Variants in CXCL13 observed in about 807,000 individuals in gnomAD.
The protein encoded by CXCL13 is C-X-C motif chemokine 13.
In CXCL13, 7 loss-of-function variants were observed where a neutral mutation model predicts 12.2. The observed-to-expected ratio is 0.57, with a 90% CI of 0.33 to 1.07. CXCL13 has a LOEUF of 1.07. CXCL13 is among the 50% of genes least tolerant of loss of function. The probability of loss-of-function intolerance (pLI) is 0.04; values close to 1 mark genes in which losing one functional copy is unlikely to be tolerated. For missense variants in CXCL13, 113 were observed against 127.4 expected, an observed-to-expected ratio of 0.89 and a Z score of 0.55; for synonymous variants, 47 against 42.4, an observed-to-expected ratio of 1.11 and a Z score of -0.42.
intron 1 of CXCL13, among the ~76,000 whole-genome samples, chr4:77,528,226 C>T (rs1724815502): frequency 6.6e-6 from 1 of 152,126 alleles, no homozygotes; most frequent in African/African-American, 2.4e-5. Flanking sequence ...GTGAATAGTG[C>T]CGCAATAAAC....
chr4:77,524,800 A>C lies in CXCL13; in HGVS notation c.-43+13012A>C, dbSNP rs186503346. Among the ~76,000 whole-genome samples, 96 of 152,324 alleles carry C rather than the reference A, an allele frequency of 6.3e-4. 1 individual carries two copies. The highest frequency in any genetic ancestry group is 2.2e-3 in the African/African-American group (93 of 41,584). On this transcript the variant is annotated intron_variant, in intron 1 of 4. Transcript: ENST00000286758. ...AATGCAGAAGTCCCCTGTCTTCTGCATTGATAGTGCTGGGAGCTGCAGACT... is the reference window on the plus strand; with the variant it reads ...AATGCAGAAGTCCCCTGTCTTCTGCCTTGATAGTGCTGGGAGCTGCAGACT...
intron 1 of CXCL13, among the ~76,000 whole-genome samples, chr4:77,551,066 T>C (rs1328721343): frequency 2.6e-5 from 4 of 152,242 alleles, no homozygotes; most frequent in Admixed American, 2.6e-4. Context: ...TTGGGTCCTG[T>C]ATTTTTATTC....
intron 1 of CXCL13, among the ~76,000 whole-genome samples, chr4:77,547,536 C>T (rs192273044): frequency 1.3e-5 from 2 of 152,204 alleles, no homozygotes; most frequent in East Asian, 1.9e-4. Flanking sequence ...TCTGTTTTAT[C>T]AGAGACTAGG....
intron 1 of CXCL13, among the ~76,000 whole-genome samples, chr4:77,512,077 C>T (rs568401624): frequency 2.4e-4 from 36 of 152,274 alleles, no homozygotes; most frequent in Non-Finnish European, 1.3e-4. Context: ...CCGTTCAGAA[C>T]ATTTTTCTTT....
intron 1 of CXCL13, among the ~76,000 whole-genome samples, chr4:77,518,668 A>T (rs373073865): frequency 6.6e-6 from 1 of 151,890 alleles, no homozygotes; most frequent in Non-Finnish European, 1.5e-5. Context: ...GCACTTCTCT[A>T]TATTGGTTAT....
chr4:77,566,546 A>G (rs776271179), intron 1 of CXCL13, among the ~76,000 whole-genome samples: 1 of 151,672 alleles, frequency 6.6e-6, no homozygotes, highest in African/African-American at 2.4e-5. Context: ...AAACTTTACC[A>G]TCAAACCTGT....
At chr4:77,515,506 T>A (rs186371559) in intron 1 of CXCL13, among the ~76,000 whole-genome samples, 93 of 152,366 alleles carry the variant, frequency 6.1e-4, no homozygotes, top group Non-Finnish European at 1.2e-3. Flanking sequence ...GTAGTTCTCC[T>A]TGAGGAGGTC....
At chr4:77,523,262 C>T (rs1724662066) in intron 1 of CXCL13, among the ~76,000 whole-genome samples, 1 of 152,160 alleles carries the variant, frequency 6.6e-6, no homozygotes, top group Non-Finnish European at 1.5e-5. Flanking sequence ...GCCTGCCTTG[C>T]TATGTTGGGG....
At chr4:77,539,039 C>A (rs1725137977) in intron 1 of CXCL13, among the ~76,000 whole-genome samples, 1 of 150,294 alleles carries the variant, frequency 6.7e-6, no homozygotes, top group South Asian at 2.1e-4. Context: ...AAGACTAGTG[C>A]ACAGTTTGAC....
rs575214415 is a variant in CXCL13 at position 77,576,703 on chromosome 4, T to C, written c.-42-29121T>C. Reference sequence around the variant, plus strand: ...GGATGGGCTCAGCTTTAAAAAGTCCTATCTGAGATTCCTTGTGAAACAGAG... The same window carrying C: ...GGATGGGCTCAGCTTTAAAAAGTCCCATCTGAGATTCCTTGTGAAACAGAG... On this transcript the variant is annotated intron_variant, in intron 1 of 4. Transcript: ENST00000286758. 3.2e-4 allele frequency among the ~76,000 whole-genome samples: 49 copies of C among 152,328 alleles called. 1 individual carries two copies. In the South Asian group the frequency reaches 9.3e-3, roughly 29 times the overall value.
At chr4:77,519,578 G>T (rs1282101202) in intron 1 of CXCL13, among the ~76,000 whole-genome samples, 1 of 151,976 alleles carries the variant, frequency 6.6e-6, no homozygotes, top group Non-Finnish European at 1.5e-5. Flanking sequence ...TTTTTCTCAT[G>T]AATTTGTTTG....
At chr4:77,608,744 C>T (rs1478553253) in intron 2 of CXCL13, among the ~76,000 whole-genome samples, 5 of 152,204 alleles carry the variant, frequency 3.3e-5, no homozygotes, top group Admixed American at 1.3e-4. Context: ...ATTTCACTAA[C>T]GTCTTTAACA....
At chr4:77,531,991 T>G (rs1052374495) in intron 1 of CXCL13, among the ~76,000 whole-genome samples, 2 of 152,224 alleles carry the variant, frequency 1.3e-5, no homozygotes, top group Non-Finnish European at 1.5e-5. Flanking sequence ...GCGTCTTGAC[T>G]CTTTATCCAA....
Position 77,558,976 on chromosome 4 carries a change from C to T in CXCL13, c.-42-46848C>T, listed in dbSNP as rs76366006. Among the ~76,000 whole-genome samples the T allele has an allele frequency of 3.8e-3, 572 of 152,264 alleles. 3 individuals carry two copies. Among genetic ancestry groups the T allele is most frequent in the East Asian group, 0.017 (90 of 5,176 alleles). The stretch of plus-strand genomic sequence containing the variant: ...CTTAATTGAGCTTGGTGAAGCCACC[C>T]GATTCTATTGCCTCTCTAGTTAGTA... On this transcript the variant is annotated intron_variant, in intron 1 of 4. Coordinates refer to the CXCL13 transcript ENST00000286758.
At chr4:77,526,387 A>T (rs1724768177) in intron 1 of CXCL13, among the ~76,000 whole-genome samples, 1 of 152,126 alleles carries the variant, frequency 6.6e-6, no homozygotes, top group Non-Finnish European at 1.5e-5. Context: ...ATATAAATAA[A>T]ACCTTCATAC....
chr4:77,581,547 C>G (rs1560532309), intron 1 of CXCL13, among the ~76,000 whole-genome samples: 1 of 152,248 alleles, frequency 6.6e-6, no homozygotes, highest in Non-Finnish European at 1.5e-5. Flanking sequence ...CCAGGAACCA[C>G]CTCTTGCTAA....
chr4:77,557,870 T>C (rs1725696601), intron 1 of CXCL13, among the ~76,000 whole-genome samples: 1 of 152,240 alleles, frequency 6.6e-6, no homozygotes, highest in African/African-American at 2.4e-5. Flanking sequence ...CTGGTATGTG[T>C]ACTTCTCTGA....
chr4:77,540,819 T>G (rs1279536387), intron 1 of CXCL13, among the ~76,000 whole-genome samples: 2 of 152,214 alleles, frequency 1.3e-5, no homozygotes, highest in African/African-American at 4.8e-5. Context: ...TTTTAAGTTC[T>G]TTGAGAAGTC....
intron 1 of CXCL13, among the ~76,000 whole-genome samples, chr4:77,539,868 G>A (rs1442395541): frequency 2.6e-5 from 4 of 152,076 alleles, no homozygotes; most frequent in Admixed American, 1.3e-4. Flanking sequence ...TGGGGGTAGG[G>A]GGGGAATCCC....
Sources: allele counts gnomAD v4.1 joint callset (sites outside exome capture counted in the v4.1 genomes callset), GRCh38; gene constraint gnomAD v4.1.1; transcripts MANE v1.5; gene names NCBI Gene and HGNC (gene_info 2026-07-23, HGNC 2026-07-21).